Variants in HECW1 observed in about 807,000 individuals in gnomAD.
The protein encoded by HECW1 is HECT, C2 and WW domain containing E3 ubiquitin protein ligase 1, also known as E3 ubiquitin-protein ligase HECW1.
A neutral mutation model predicts 182.3 loss-of-function variants in HECW1; 61 were observed. The observed-to-expected ratio is 0.33, with a 90% CI of 0.27 to 0.41. The LOEUF (loss-of-function observed/expected upper bound fraction) is 0.41, where lower values mean the gene tolerates loss of function less well. Among genes scored for constraint, HECW1 ranks in the 10% least tolerant of loss-of-function variants. The probability of loss-of-function intolerance (pLI) is 1.00; values close to 1 mark genes in which losing one functional copy is unlikely to be tolerated. For missense variants in HECW1, 1,739 were observed against 2,108.9 expected (o/e 0.82, Z 3.44); for synonymous variants, 859 against 832.6 (o/e 1.03, Z -0.55).
At chr7:43,260,458 A>C (rs2152732623) in intron 3 of HECW1, among the ~76,000 whole-genome samples, 1 of 152,354 alleles carries the variant, frequency 6.6e-6, no homozygotes, top group African/African-American at 2.4e-5. Flanking sequence ...TATAGGACAC[A>C]ATATGGATTA....
intron 6 of HECW1, among the ~76,000 whole-genome samples, chr7:43,375,751 G>A (rs1048448795): frequency 2.6e-5 from 4 of 151,920 alleles, no homozygotes; most frequent in South Asian, 4.2e-4. Context: ...AAATTAGCCA[G>A]GCATGATAGC....
chr7:43,550,845 A>T (rs1255105316), intron 27 of HECW1, among the ~76,000 whole-genome samples: 3 of 152,190 alleles, frequency 2.0e-5, no homozygotes, highest in Non-Finnish European at 4.4e-5. Flanking sequence ...AGCAACTGGC[A>T]TGTGACCCTG....
chr7:43,396,897 T>C lies in HECW1; in HGVS notation c.631+8T>C. The C allele has an allele frequency of 6.2e-7, 1 of 1,604,932 alleles. No individual in the cohort carries two copies. Among genetic ancestry groups the C allele is most frequent in the Non-Finnish European group, 8.5e-7 (1 of 1,172,570 alleles). On this transcript the variant is annotated splice_region_variant and intron_variant, in intron 7 of 29. Coordinates refer to ENST00000395891, the MANE Select transcript of HECW1 (RefSeq NM_015052.5). ...TCAGCTTCTCTCTCTCAGGTATGTTTTGCTCACCTGAGACTTTGTGGAGAG... is the reference window on the plus strand; with the variant it reads ...TCAGCTTCTCTCTCTCAGGTATGTTCTGCTCACCTGAGACTTTGTGGAGAG...
intron 3 of HECW1, among the ~76,000 whole-genome samples, chr7:43,271,239 A>C (rs761497618): frequency 5.9e-5 from 9 of 152,206 alleles, no homozygotes; most frequent in Admixed American, 5.2e-4. Flanking sequence ...GTATGTTTAA[A>C]AAGTAATTGA....
intron 6 of HECW1, among the ~76,000 whole-genome samples, chr7:43,395,679 T>C (rs149921213): frequency 6.6e-6 from 1 of 152,290 alleles, no homozygotes; most frequent in Non-Finnish European, 1.5e-5. Flanking sequence ...AGGGCAGTCA[T>C]ACCAAGATTT....
chr7:43,155,493 A>G (rs1789786888), intron 2 of HECW1, among the ~76,000 whole-genome samples: 2 of 152,208 alleles, frequency 1.3e-5, no homozygotes, highest in South Asian at 4.1e-4. Flanking sequence ...CTTATAAGGA[A>G]ATTGAGTTTA....
chr7:43,294,803 T>C (rs1584364529), intron 3 of HECW1, among the ~76,000 whole-genome samples: 1 of 152,118 alleles, frequency 6.6e-6, no homozygotes, highest in Non-Finnish European at 1.5e-5. Flanking sequence ...AGAAAGTTTA[T>C]TTTGCCAAGG....
At chr7:43,550,746 A>G (rs2081786794) in intron 27 of HECW1, among the ~76,000 whole-genome samples, 155 bp downstream of exon 27, 1 of 152,212 alleles carries the variant, frequency 6.6e-6, no homozygotes, top group Non-Finnish European at 1.5e-5. Flanking sequence ...GCTCCTCACC[A>G]GGGAGTACTG....
intron 3 of HECW1, among the ~76,000 whole-genome samples, chr7:43,248,354 C>A (rs1799646834): frequency 6.6e-6 from 1 of 152,114 alleles, no homozygotes; most frequent in East Asian, 1.9e-4. Context: ...TTGCTTAAAT[C>A]TTCCAAACTG....
At chr7:43,172,875 G>C (rs1276099795) in intron 2 of HECW1, among the ~76,000 whole-genome samples, 1 of 152,106 alleles carries the variant, frequency 6.6e-6, no homozygotes, top group Non-Finnish European at 1.5e-5. Context: ...ACTCAGGATA[G>C]AACAAACAAG....
intron 12 of HECW1, among the ~76,000 whole-genome samples, chr7:43,455,240 T>C (rs1315876711): frequency 6.6e-6 from 1 of 152,210 alleles, no homozygotes; most frequent in Non-Finnish European, 1.5e-5. Context: ...TACTTCCTAG[T>C]TACTGGTTTC....
rs976128268 is a variant in HECW1 at position 43,312,011 on chromosome 7, C to T, written c.276C>T (p.His92=). The T allele has an allele frequency of 1.2e-6, 2 of 1,614,122 alleles. No homozygotes were observed. Among genetic ancestry groups the T allele is most frequent in the South Asian group, 2.2e-5 (2 of 91,090 alleles). ...GCAGCTCCTACTATTCCATCGGGCA[C>T]TCTCAGGACCTGGTCATCCACTGGG... The part of the protein sequence containing the change: ...MVSSSYYSIG[H]SQDLVIHWDI... The change falls in exon 4 of 30, where the codon CAC becomes CAT. Residue 92 remains histidine (H), a synonymous_variant. Coordinates refer to ENST00000395891, the MANE Select transcript of HECW1 (RefSeq NM_015052.5).
intron 5 of HECW1, among the ~76,000 whole-genome samples, chr7:43,333,920 A>G (rs528904081): frequency 5.3e-5 from 8 of 152,292 alleles, no homozygotes; most frequent in African/African-American, 1.9e-4. Flanking sequence ...ACATGGCCCA[A>G]TCCACACTGG....
chr7:43,520,053 T>C (rs550386167), intron 24 of HECW1, among the ~76,000 whole-genome samples: 5 of 152,324 alleles, frequency 3.3e-5, no homozygotes, highest in South Asian at 2.1e-4. Context: ...ACAGCCAAGA[T>C]GCCATTTGGT....
intron 3 of HECW1, among the ~76,000 whole-genome samples, chr7:43,290,880 G>A (rs1486706413): frequency 1.3e-5 from 2 of 152,200 alleles, no homozygotes; most frequent in Admixed American, 6.5e-5. Flanking sequence ...TCCAGGAGCA[G>A]TTTTCAGTCC....
At chr7:43,246,128 T>C (rs1799357247) in intron 3 of HECW1, among the ~76,000 whole-genome samples, 1 of 138,280 alleles carries the variant, frequency 7.2e-6, no homozygotes, top group South Asian at 2.3e-4. Context: ...GAGATCCCAT[T>C]TCTATGAAAA....
intron 3 of HECW1, among the ~76,000 whole-genome samples, chr7:43,300,004 G>A (rs1806527426): frequency 6.6e-6 from 1 of 152,204 alleles, no homozygotes; most frequent in African/African-American, 2.4e-5. Context: ...CTCTTACTCT[G>A]TTAGACAGGT....
chr7:43,237,803 T>C (rs957200339), intron 2 of HECW1, among the ~76,000 whole-genome samples: 4 of 150,936 alleles, frequency 2.7e-5, no homozygotes, highest in African/African-American at 9.9e-5. Context: ...ATTTTGAAAA[T>C]AGAGGCAGAA....
At chr7:43,209,818 A>G (rs1323171063) in intron 2 of HECW1, among the ~76,000 whole-genome samples, 1 of 152,212 alleles carries the variant, frequency 6.6e-6, no homozygotes, top group Non-Finnish European at 1.5e-5. Context: ...CGGGCATTCC[A>G]GAAGAGTGAA....
Sources: allele counts gnomAD v4.1 joint callset (sites outside exome capture counted in the v4.1 genomes callset), GRCh38; gene constraint gnomAD v4.1.1; transcripts MANE v1.5; gene names NCBI Gene and HGNC (gene_info 2026-07-23, HGNC 2026-07-21).